The following HOPX variants were observed in gnomAD, a reference collection of about 807,000 sequenced individuals.
The protein encoded by HOPX is homeodomain-only protein.
HOPX carries 5 observed loss-of-function variants against 11.8 expected under a neutral mutation model. That is an observed-to-expected ratio of 0.43 (90% CI 0.22 to 0.89). The LOEUF (loss-of-function observed/expected upper bound fraction) is 0.89. Ranked by LOEUF, HOPX falls within the 40% of genes least tolerant of loss-of-function variation. HOPX has a pLI of 0.28. For missense variants in HOPX, 119 were observed against 120.0 expected (o/e 0.99, Z 0.04); for synonymous variants, 49 against 49.7 (o/e 0.99, Z 0.06).
At chr4:56,658,879 T>G (rs1473379519) in intron 1 of HOPX, among the ~76,000 whole-genome samples, 3 of 152,262 alleles carry the variant, frequency 2.0e-5, no homozygotes, top group African/African-American at 7.2e-5. Flanking sequence ...GGGAAGACAT[T>G]GCATAAGCTT....
upstream of HOPX, chr4:56,681,419 C>CA (rs1401048845): frequency 1.0e-6 from 1 of 985,948 alleles, no homozygotes; most frequent in Non-Finnish European, 1.2e-6. Flanking sequence ...GCAGCGTGGG[C>CA]AGGAGGTAAA....
intron 3 of HOPX, among the ~76,000 whole-genome samples, chr4:56,651,892 G>T (rs948238036): frequency 5.9e-5 from 9 of 151,660 alleles, no homozygotes; most frequent in African/African-American, 2.2e-4. Flanking sequence ...GTGTGTGTGT[G>T]TGTGTGTGTG....
chr4:56,656,003 T>C lies in HOPX; in HGVS notation c.52A>G (p.Thr18Ala), dbSNP rs1363665722. ...CCGCTCGCGGTCTCCGCCGACATGG[T>C]CCCTGCGCGCTGCGGGGCAGGGAGA... The part of the protein sequence containing the change: ...YRRRLEERAG[T>A]MSAETASGPT... The change falls in exon 3 of 4, where the codon ACC (threonine) becomes GCC (alanine). Residue 18 changes from threonine (T) to alanine (A), a missense_variant. By Grantham distance (58) the Thr-to-Ala change is moderately conservative. Transcript: ENST00000420433. 3.3e-5 allele frequency: 53 copies of C among 1,593,384 alleles called. No homozygotes were observed. The highest frequency in any genetic ancestry group is 4.5e-5 in the Non-Finnish European group (53 of 1,170,524).
chr4:56,664,706 T>C (rs774701602), intron 1 of HOPX: 3 of 152,220 alleles, frequency 2.0e-5, no homozygotes, highest in African/African-American at 4.8e-5. Flanking sequence ...TTTCTCATTA[T>C]GCACTTGTAC....
rs200110333 is a variant in HOPX at position 56,648,758 on chromosome 4, C to G, written c.238G>C (p.Glu80Gln). ...GATCTGCACTCTGAGGGCAGGCCTT[C>G]TGAGCGCCGCCACTTTGCCAGGCGC... Reference protein sequence around the residue: ...KQRLAKWRRSEGLPSECRSVT... With the variant: ...KQRLAKWRRSQGLPSECRSVT... Residue 80 changes from glutamate (E) to glutamine (Q), a missense_variant, in exon 4 of 4, where the codon GAA (glutamate) becomes CAA (glutamine). By Grantham distance (29) the Glu-to-Gln change is conservative. Transcript: ENST00000420433. 2.0e-5 allele frequency: 33 copies of G among 1,611,134 alleles called. No homozygotes were observed. Among genetic ancestry groups the G allele is most frequent in the Non-Finnish European group, 2.6e-5 (31 of 1,177,546 alleles).
chr4:56,670,719 G>A (rs1033583235), intron 1 of HOPX, among the ~76,000 whole-genome samples: 6 of 152,134 alleles, frequency 3.9e-5, no homozygotes, highest in African/African-American at 1.2e-4. Context: ...AATACAGGCC[G>A]GGCGTAGTGG....
At chr4:56,665,371 G>A (rs564999066) in intron 1 of HOPX, 2 of 152,208 alleles carry the variant, frequency 1.3e-5, no homozygotes, top group Non-Finnish European at 2.9e-5. Flanking sequence ...TGTTCATTAG[G>A]AGAGTCTGGC....
chr4:56,678,847 T>A (rs369870080), intron 1 of HOPX: 7 of 152,280 alleles, frequency 4.6e-5, no homozygotes, highest in Non-Finnish European at 2.9e-5. Flanking sequence ...AAGTCTATGA[T>A]CCTTACTGTC....
Position 56,663,455 on chromosome 4 carries a change from T to C in HOPX, c.-83-5556A>G, listed in dbSNP as rs557905247. 5 of 152,292 alleles carry C rather than the reference T, an allele frequency of 3.3e-5. No homozygotes were observed. The East Asian group carries it at 7.7e-4, about 24-fold the overall frequency. 9.4% of individuals were successfully genotyped at this position (152,292 alleles called of 1,614,324 possible). A position where few individuals can be genotyped will look rare whatever the true frequency, so the allele number is the denominator to read the frequency against. On this transcript the variant is annotated intron_variant, in intron 1 of 3. Transcript: ENST00000420433. ...CTCTTAAAAATACGAAGTGCTGCCTTTTGAAATTTTTCAGTTCTGCATATA... is the reference window on the plus strand; with the variant it reads ...CTCTTAAAAATACGAAGTGCTGCCTCTTGAAATTTTTCAGTTCTGCATATA...
intron 1 of HOPX, among the ~76,000 whole-genome samples, chr4:56,658,415 G>T (rs1303907132): frequency 1.3e-5 from 2 of 152,212 alleles, no homozygotes; most frequent in East Asian, 1.9e-4. Flanking sequence ...AGAATCATTG[G>T]CTTTGGTTGG....
intron 1 of HOPX, among the ~76,000 whole-genome samples, chr4:56,661,986 A>G (rs1265645334): frequency 6.6e-6 from 1 of 152,214 alleles, no homozygotes; most frequent in East Asian, 1.9e-4. Context: ...TGTGCTTTAA[A>G]ATATGTTAGC....
intron 1 of HOPX, among the ~76,000 whole-genome samples, chr4:56,661,914 A>T (rs2109506749): frequency 6.6e-6 from 1 of 152,350 alleles, no homozygotes; most frequent in Non-Finnish European, 1.5e-5. Context: ...CTTTGTCTGT[A>T]TCATGCTAAA....
At chr4:56,672,099 C>T (rs1718764697) in intron 1 of HOPX, among the ~76,000 whole-genome samples, 1 of 152,096 alleles carries the variant, frequency 6.6e-6, no homozygotes, top group African/African-American at 2.4e-5. Flanking sequence ...GTTTTGCAAT[C>T]ATTAAAATGG....
At position 56,657,859 on chromosome 4, in the gene HOPX, G is replaced by A. The variant is rs892507323; in HGVS notation, c.-43C>T. 4 of 1,550,712 alleles carry A rather than the reference G, an allele frequency of 2.6e-6. No individual in the cohort carries two copies. In the African/African-American group the frequency reaches 5.5e-5, roughly 21 times the overall value. ...GAATGTTGCCCAGCTGGTGACCTGT[G>A]CTCCGCTAGACCCTTCTCAGTGGGG... is the stretch of plus-strand genomic sequence containing the variant. On this transcript the variant is annotated 5_prime_UTR_variant, in exon 2 of 4. Coordinates refer to ENST00000420433, the MANE Select transcript of HOPX (RefSeq NM_032495.6).
chr4:56,658,362 A>T (rs534862125), intron 1 of HOPX, among the ~76,000 whole-genome samples: 1 of 152,120 alleles, frequency 6.6e-6, no homozygotes, highest in South Asian at 2.1e-4. Flanking sequence ...TTTTGTGGAG[A>T]GGTCCTGGTT....
chr4:56,658,535 C>T (rs1234356410), intron 1 of HOPX, among the ~76,000 whole-genome samples: 1 of 152,202 alleles, frequency 6.6e-6, no homozygotes, highest in Admixed American at 6.5e-5. Context: ...TCAAATGTAT[C>T]TGTTATTTCT....
chr4:56,656,226 C>A, intron 2 of HOPX: 1 of 1,143,916 alleles, frequency 8.7e-7, no homozygotes, highest in Non-Finnish European at 1.1e-6. Flanking sequence ...AGCGCTGTTG[C>A]GGGCTGACGG....
chr4:56,660,291 A>T (rs1362253214), intron 1 of HOPX, among the ~76,000 whole-genome samples: 1 of 152,200 alleles, frequency 6.6e-6, no homozygotes, highest in Admixed American at 6.5e-5. Context: ...AGAACCAAAC[A>T]TTACTCTGAA....
chr4:56,656,372 G>C, intron 2 of HOPX: 1 of 1,018,754 alleles, frequency 9.8e-7, no homozygotes, highest in Non-Finnish European at 1.2e-6. Flanking sequence ...AGTGAAGGAA[G>C]CGCGGGGGTG....
Sources: gnomAD v4.1 joint callset for allele counts (sites outside exome capture counted in the v4.1 genomes callset) on GRCh38, gnomAD v4.1.1 for gene constraint, MANE v1.5 for transcripts, NCBI Gene and HGNC (gene_info 2026-07-23, HGNC 2026-07-21) for gene names.